EEFSEC: variants seen among roughly 807,000 people sequenced by gnomAD.
EEFSEC encodes the protein selenocysteine-specific elongation factor.
EEFSEC carries 43 observed loss-of-function variants against 42.1 expected under a neutral mutation model. That is an observed-to-expected ratio of 1.02 (90% confidence interval 0.80 to 1.32). The LOEUF (loss-of-function observed/expected upper bound fraction) is 1.32, where lower values mean the gene tolerates loss of function less well. Ranked by LOEUF, EEFSEC falls within the 40% of genes most tolerant of loss-of-function variation. EEFSEC has a pLI of 0.00. For missense variants in EEFSEC, 745 were observed against 803.6 expected, an observed-to-expected ratio of 0.93 and a Z score of 0.88; for synonymous variants, 354 against 339.1, an observed-to-expected ratio of 1.04 and a Z score of -0.48.
chr3:128,165,451 G>A (rs940557440), intron 1 of EEFSEC, among the ~76,000 whole-genome samples: 4 of 152,342 alleles, frequency 2.6e-5, no homozygotes, highest in African/African-American at 9.6e-5. Context: ...TTCTTGTGCT[G>A]TGTGATTAGG....
At chr3:128,383,027 A>T (rs576171052) in intron 6 of EEFSEC, among the ~76,000 whole-genome samples, 2 of 151,798 alleles carry the variant, frequency 1.3e-5, no homozygotes, top group Non-Finnish European at 2.9e-5. Flanking sequence ...TGCCTCCTGG[A>T]AGACCTGAGT....
chr3:128,342,318 C>A (rs1336927031), intron 5 of EEFSEC, among the ~76,000 whole-genome samples: 1 of 152,256 alleles, frequency 6.6e-6, no homozygotes, highest in Non-Finnish European at 1.5e-5. Context: ...CAGCTGGGAT[C>A]TGCCCATGTG....
chr3:128,417,857 T>G, the EEFSEC span, among the ~76,000 whole-genome samples: 25,955 of 151,972 alleles, frequency 0.17, 2,390 homozygotes, highest in African/African-American at 0.22. This position sits in a 1 kb window ranked among gnomAD's most constrained non-coding sequence, Gnocchi z 4.3. Flanking sequence ...TGAGGTGCCA[T>G]GCTGCACCCC....
chr3:128,329,416 C>A (rs544427031), intron 4 of EEFSEC, among the ~76,000 whole-genome samples: 182 of 152,216 alleles, frequency 1.2e-3, no homozygotes, highest in Non-Finnish European at 2.3e-3. Flanking sequence ...AGCCCCACCC[C>A]CCCCCACCCC....
At chr3:128,295,006 G>A in intron 4 of EEFSEC, among the ~76,000 whole-genome samples, 1 of 152,162 alleles carries the variant, frequency 6.6e-6, no homozygotes, top group Admixed American at 6.5e-5. Context: ...CTATGTCTCT[G>A]CCAGCCACAG....
chr3:128,359,776 G>T (rs1048080456), intron 6 of EEFSEC, among the ~76,000 whole-genome samples: 1 of 152,224 alleles, frequency 6.6e-6, no homozygotes, highest in Non-Finnish European at 1.5e-5. Flanking sequence ...GCTGTGGGGA[G>T]GTTTGGATCA....
At position 128,262,165 on chromosome 3, in the gene EEFSEC, C is replaced by T; in HGVS notation, c.562C>T (p.Pro188Ser). Residue 188 changes from proline to serine, a missense_variant, in exon 3 of 7, where the codon CCG (proline) becomes TCG (serine). Coordinates refer to ENST00000254730, the MANE Select transcript of EEFSEC (RefSeq NM_021937.5). Reference protein sequence around the residue: ...GAPIIPVAAKPGGPEAPETEA... With the variant: ...GAPIIPVAAKSGGPEAPETEA... The stretch of plus-strand genomic sequence containing the variant: ...ACCGATTATACCCGTGGCGGCCAAG[C>T]CGGGGGGACCAGAGGCCCCCGAAAC... 6.2e-7 allele frequency: 1 copy of T among 1,614,162 alleles called. No individual in the cohort carries two copies. Among genetic ancestry groups the T allele is most frequent in the South Asian group, 1.1e-5 (1 of 91,078 alleles).
chr3:128,158,798 T>G (rs1944424071), intron 1 of EEFSEC, among the ~76,000 whole-genome samples: 1 of 152,274 alleles, frequency 6.6e-6, no homozygotes, highest in Non-Finnish European at 1.5e-5. Flanking sequence ...CACAATATCT[T>G]TGAGGTAAGC....
At chr3:128,247,852 G>A (rs1268878083) in intron 2 of EEFSEC, among the ~76,000 whole-genome samples, 1 of 152,196 alleles carries the variant, frequency 6.6e-6, no homozygotes, top group East Asian at 1.9e-4. Flanking sequence ...TTACCAGGGA[G>A]AGAAGGTGTT....
intron 1 of EEFSEC, among the ~76,000 whole-genome samples, chr3:128,192,542 TTC>T (rs758407049): frequency 1.3e-5 from 2 of 152,230 alleles, no homozygotes; most frequent in African/African-American, 2.4e-5. Context: ...ATCAGGACTC[TTC>T]CTGGACTTCA....
At chr3:128,285,456 C>T (rs952878099) in intron 4 of EEFSEC, among the ~76,000 whole-genome samples, 2 of 152,102 alleles carry the variant, frequency 1.3e-5, no homozygotes, top group African/African-American at 2.4e-5. Context: ...GCAGCAGGGA[C>T]AGGCCTGTGA....
intron 2 of EEFSEC, among the ~76,000 whole-genome samples, chr3:128,259,624 T>C (rs2066277818): frequency 6.6e-6 from 1 of 152,178 alleles, no homozygotes; most frequent in Non-Finnish European, 1.5e-5. Flanking sequence ...CAACAGGAAA[T>C]TGTATTCATT....
chr3:128,313,935 G>A (rs2066917056), intron 4 of EEFSEC, among the ~76,000 whole-genome samples: 1 of 152,172 alleles, frequency 6.6e-6, no homozygotes, highest in Non-Finnish European at 1.5e-5. Context: ...GATAACCTCT[G>A]CATGTGGAAG....
chr3:128,359,838 G>A (rs13092873), intron 6 of EEFSEC, among the ~76,000 whole-genome samples: 5 of 152,182 alleles, frequency 3.3e-5, no homozygotes, highest in African/African-American at 9.7e-5. Context: ...CTCCTAAAGA[G>A]AAGGTGGTGC....
chr3:128,284,278 A>G (rs148072727), intron 4 of EEFSEC, among the ~76,000 whole-genome samples: 31 of 152,368 alleles, frequency 2.0e-4, no homozygotes, highest in African/African-American at 5.3e-4. Context: ...GAACTACACA[A>G]TTCTTCCTAG....
At chr3:128,301,793 C>A (rs969663027) in intron 4 of EEFSEC, among the ~76,000 whole-genome samples, 1 of 152,094 alleles carries the variant, frequency 6.6e-6, no homozygotes, top group East Asian at 1.9e-4. Context: ...AAGGGACTTA[C>A]ACATGTCGCA....
At chr3:128,173,593 GT>G (rs1425882261) in intron 1 of EEFSEC, among the ~76,000 whole-genome samples, 1 of 152,158 alleles carries the variant, frequency 6.6e-6, no homozygotes, top group Non-Finnish European at 1.5e-5. Flanking sequence ...TTTTAAAAGA[GT>G]TTCCTTCCAC....
intron 1 of EEFSEC, among the ~76,000 whole-genome samples, chr3:128,182,790 G>T (rs780341437): frequency 3.3e-5 from 5 of 151,680 alleles, no homozygotes; most frequent in Non-Finnish European, 5.9e-5. Context: ...GAAGGAGCCA[G>T]AGGGCTCCCA....
intron 4 of EEFSEC, among the ~76,000 whole-genome samples, chr3:128,269,841 G>C (rs1205759613): frequency 6.6e-6 from 1 of 152,246 alleles, no homozygotes; most frequent in Non-Finnish European, 1.5e-5. Flanking sequence ...TCTTCAGCCT[G>C]AGAAATCCCT....
Sources: allele counts gnomAD v4.1 joint callset (sites outside exome capture counted in the v4.1 genomes callset), GRCh38; gene constraint gnomAD v4.1.1; non-coding constraint Gnocchi (gnomAD v3.1); transcripts MANE v1.5; gene names NCBI Gene and HGNC (gene_info 2026-07-23, HGNC 2026-07-21).